Variants in NRCAM observed in about 807,000 individuals in gnomAD.
NRCAM encodes neuronal cell adhesion molecule.
Under a neutral mutation model 156.5 loss-of-function variants are expected in NRCAM, and 83 were observed. The ratio of observed to expected loss-of-function variants is 0.53; its 90% CI spans 0.44 to 0.64. NRCAM has a LOEUF of 0.64. Among genes scored for constraint, NRCAM ranks in the 30% least tolerant of loss-of-function variants. The pLI is 0.00. For synonymous variants in NRCAM, 538 were observed against 563.9 expected (o/e 0.95, Z 0.65); for missense variants, 1,417 against 1,597.3 (o/e 0.89, Z 1.92).
In NRCAM at chr7:108,298,420, A is replaced by G. The variant is rs1592222577; in HGVS notation, c.-107+14245T>C. Among the ~76,000 whole-genome samples the G allele has an allele frequency of 2.0e-5, 3 of 151,688 alleles. No homozygotes were observed. In the East Asian group the frequency reaches 5.9e-4, roughly 30 times the overall value. On this transcript the variant is annotated intron_variant, in intron 3 of 32. Transcript: ENST00000379028. ...CAGAACTTTGGGAGGCCGAGGCAGG[A>G]GGATCACAAGGGCAGGAGATGGAGA... is the stretch of plus-strand genomic sequence containing the variant.
At chr7:108,249,304 G>A (rs2096184764) in intron 3 of NRCAM, among the ~76,000 whole-genome samples, 1 of 152,184 alleles carries the variant, frequency 6.6e-6, no homozygotes, top group Non-Finnish European at 1.5e-5. Flanking sequence ...ATCAGTGCAG[G>A]GGAAGGTATA....
chr7:108,375,138 G>A (rs2099668545), intron 2 of NRCAM, among the ~76,000 whole-genome samples: 1 of 152,016 alleles, frequency 6.6e-6, no homozygotes, highest in Non-Finnish European at 1.5e-5. Flanking sequence ...TTTGACTGAG[G>A]AGCCCCTATC....
rs142983755 is a variant in NRCAM, at chr7:108,349,759, T to C, written c.-173-37028A>G. On this transcript the variant is annotated intron_variant, in intron 2 of 32. Coordinates refer to ENST00000379028, the MANE Select transcript of NRCAM (RefSeq NM_001037132.4). ...TCTTACTGTGATATTTCTATTTCCC[T>C]GCTTTAAAGCACAATAGTCTCTGAC... Among the ~76,000 whole-genome samples, 552 of 152,352 alleles carry C rather than the reference T, an allele frequency of 3.6e-3. 2 individuals carry two copies. Among genetic ancestry groups the C allele is most frequent in the Non-Finnish European group, 6.4e-3 (435 of 68,028 alleles).
At chr7:108,423,612 G>A (rs1813153900) in intron 1 of NRCAM, among the ~76,000 whole-genome samples, 1 of 152,248 alleles carries the variant, frequency 6.6e-6, no homozygotes, top group African/African-American at 2.4e-5. Context: ...CTCAGTCGTT[G>A]CATAAGTCTA....
At chr7:108,258,402 C>T (rs2096764861) in intron 3 of NRCAM, among the ~76,000 whole-genome samples, 1 of 152,200 alleles carries the variant, frequency 6.6e-6, no homozygotes, top group Non-Finnish European at 1.5e-5. Context: ...CTTCATTTTT[C>T]TGACCAGCCC....
At chr7:108,296,692 T>C (rs1034542243) in intron 3 of NRCAM, among the ~76,000 whole-genome samples, 1 of 152,154 alleles carries the variant, frequency 6.6e-6, no homozygotes, top group Non-Finnish European at 1.5e-5. Flanking sequence ...ATAAGAAACA[T>C]GTTGGCTTTA....
At chr7:108,360,374 A>T (rs1213347442) in intron 2 of NRCAM, among the ~76,000 whole-genome samples, 1 of 152,220 alleles carries the variant, frequency 6.6e-6, no homozygotes, top group African/African-American at 2.4e-5. Flanking sequence ...AAAGAGGCAC[A>T]GGTACATTCA....
At chr7:108,257,605 C>A (rs2096733492) in intron 3 of NRCAM, among the ~76,000 whole-genome samples, 1 of 151,578 alleles carries the variant, frequency 6.6e-6, no homozygotes, top group Admixed American at 6.6e-5. Flanking sequence ...GTGTAGACAG[C>A]AGCCTACTCT....
At chr7:108,420,416 C>T (rs945649824) in intron 1 of NRCAM, among the ~76,000 whole-genome samples, 3 of 152,096 alleles carry the variant, frequency 2.0e-5, no homozygotes, top group Non-Finnish European at 4.4e-5. Context: ...AAACGTCTTA[C>T]CAATATATGA....
chr7:108,368,223 T>TCCCC (rs567741253), intron 2 of NRCAM, among the ~76,000 whole-genome samples: 3 of 35,166 alleles, frequency 8.5e-5, no homozygotes, highest in South Asian at 2.3e-3. Context: ...CACACTTTCA[T>TCCCC]ACCCCCCCCC....
chr7:108,177,354 T>C (rs998652520), intron 26 of NRCAM, among the ~76,000 whole-genome samples: 6 of 152,174 alleles, frequency 3.9e-5, no homozygotes, highest in Non-Finnish European at 5.9e-5. Context: ...CTGGGCGCAG[T>C]GGCTCACGCC....
chr7:108,255,136 A>C, intron 3 of NRCAM, among the ~76,000 whole-genome samples: 2 of 151,954 alleles, frequency 1.3e-5, no homozygotes, highest in African/African-American at 2.4e-5. Flanking sequence ...CCTCAAAACT[A>C]TGCTGAGTGA....
intron 1 of NRCAM, among the ~76,000 whole-genome samples, chr7:108,441,134 T>C (rs1405403110): frequency 6.6e-6 from 1 of 152,188 alleles, no homozygotes; most frequent in Admixed American, 6.5e-5. Context: ...CCTTTAGAAT[T>C]CTCATTCAAG....
chr7:108,367,383 A>G (rs1367835701), intron 2 of NRCAM, among the ~76,000 whole-genome samples: 1 of 152,198 alleles, frequency 6.6e-6, no homozygotes, highest in Non-Finnish European at 1.5e-5. Context: ...TTGATTTATA[A>G]TAATGTGGAA....
chr7:108,412,394 C>G (rs1449867726), intron 1 of NRCAM, among the ~76,000 whole-genome samples: 1 of 37,046 alleles, frequency 2.7e-5, no homozygotes, highest in Admixed American at 3.3e-4. Context: ...TTTTCCCCCT[C>G]ATAGTCACTT....
At chr7:108,278,874 T>A (rs1283340250) in intron 3 of NRCAM, among the ~76,000 whole-genome samples, 2 of 151,976 alleles carry the variant, frequency 1.3e-5, no homozygotes, top group East Asian at 3.9e-4. Context: ...AGACCAGATC[T>A]GTTCCTATTC....
chr7:108,455,463 C>T (rs946263553), intron 1 of NRCAM, among the ~76,000 whole-genome samples: 3 of 152,150 alleles, frequency 2.0e-5, no homozygotes, highest in Non-Finnish European at 2.9e-5. Flanking sequence ...AGGCAGCCCC[C>T]AGCCCGGTGC....
chr7:108,284,459 G>C (rs59173255), intron 3 of NRCAM, among the ~76,000 whole-genome samples: 1 of 152,122 alleles, frequency 6.6e-6, no homozygotes, highest in Non-Finnish European at 1.5e-5. Flanking sequence ...AGCTTCCAGA[G>C]CATCTTTACA....
chr7:108,433,798 G>A (rs148868083), intron 1 of NRCAM, among the ~76,000 whole-genome samples: 12 of 152,300 alleles, frequency 7.9e-5, no homozygotes, highest in African/African-American at 2.4e-4. Context: ...CTGCAGAACC[G>A]TGAGCCAAAT....
Sources: gnomAD v4.1 joint callset for allele counts (sites outside exome capture counted in the v4.1 genomes callset) on GRCh38, gnomAD v4.1.1 for gene constraint, MANE v1.5 for transcripts, NCBI Gene and HGNC (gene_info 2026-07-23, HGNC 2026-07-21) for gene names.